Variants in ANKRD66 observed in about 807,000 individuals in gnomAD.
ANKRD66 encodes the protein ankyrin repeat domain-containing protein 66.
In ANKRD66, 10 loss-of-function variants were observed where a neutral mutation model predicts 10.9. That is an observed-to-expected ratio of 0.91 (90% confidence interval 0.56 to 1.55). The LOEUF (loss-of-function observed/expected upper bound fraction) is 1.55. Among genes scored for constraint, ANKRD66 ranks in the 40% most tolerant of loss-of-function variants. The pLI is 0.00. For synonymous variants in ANKRD66, 85 were observed against 88.4 expected (o/e 0.96, Z 0.22); for missense variants, 252 against 242.9 (o/e 1.04, Z -0.25).
intron 2 of ANKRD66, 53 bp from the exon 3 acceptor site, chr6:46,751,884 G>T (rs373755359): frequency 1.3e-4 from 182 of 1,369,978 alleles, no homozygotes; most frequent in Non-Finnish European, 1.7e-4. Context: ...GGGATTACTC[G>T]CTAGGAATAA....
chr6:46,749,301 C>T (rs1392411881), intron 1 of ANKRD66, among the ~76,000 whole-genome samples: 1 of 152,198 alleles, frequency 6.6e-6, no homozygotes, highest in African/African-American at 2.4e-5. Context: ...GAGATGACCC[C>T]TCTAGGAGGA....
rs908029575 is a variant in ANKRD66 at position 46,748,531 on chromosome 6, A to T, written c.-96-1365A>T. 3.9e-5 allele frequency among the ~76,000 whole-genome samples: 6 copies of T among 152,342 alleles called. No homozygotes were observed. The South Asian group carries it at 6.2e-4, about 16-fold the overall frequency. On this transcript the variant is annotated intron_variant, in intron 1 of 4. Transcript: ENST00000565422. ...ATTTTTGTTTACTATTCTATCATTG[A>T]TCAAACACTCCAGTGTAAGGGATTT...
chr6:46,752,187 G>A (rs1029872784), intron 3 of ANKRD66, 76 bp downstream of exon 3: 2 of 1,319,200 alleles, frequency 1.5e-6, no homozygotes, highest in Non-Finnish European at 2.0e-6. Context: ...TAGGCTATGT[G>A]GGGGAGTGGA....
chr6:46,746,968 C>A lies in ANKRD66; in HGVS notation c.-119C>A. 1 of 1,535,564 alleles carries A rather than the reference C, an allele frequency of 6.5e-7. No individual in the cohort carries two copies. The highest frequency in any genetic ancestry group is 1.2e-5 in the South Asian group (1 of 84,058). ...GTTAGGACTGCCTGTCAGCACAGAG[C>A]TCCTCAAATTTCACACAAGACAGTA... On this transcript the variant is annotated 5_prime_UTR_variant, in exon 1 of 5. Transcript: ENST00000565422.
intron 3 of ANKRD66, among the ~76,000 whole-genome samples, chr6:46,752,771 AAAG>A (rs1766297571): frequency 6.6e-6 from 1 of 152,172 alleles, no homozygotes; most frequent in South Asian, 2.1e-4. Context: ...AGAGCATCAC[AAAG>A]AAGGATAGGG....
intron 3 of ANKRD66, among the ~76,000 whole-genome samples, chr6:46,752,726 A>G (rs1188964817): frequency 6.6e-6 from 1 of 152,166 alleles, no homozygotes; most frequent in Non-Finnish European, 1.5e-5. Context: ...CTCAGTTAAT[A>G]TTAGTCCTTT....
chr6:46,750,002 T>C (rs1766233482), intron 2 of ANKRD66, 23 bp downstream of exon 2: 4 of 1,285,088 alleles, frequency 3.1e-6, no homozygotes, highest in Non-Finnish European at 3.3e-6. Flanking sequence ...CTGAGCACAA[T>C]AATTTGCATT....
rs1216901370 is a variant in ANKRD66, at chr6:46,753,721, G to C, written c.164-1G>C. 1 of 1,545,226 alleles carries C rather than the reference G, an allele frequency of 6.5e-7. No individual in the cohort carries two copies. Among genetic ancestry groups the C allele is most frequent in the African/African-American group, 1.4e-5 (1 of 72,762 alleles). On this transcript the variant is annotated splice_acceptor_variant, in intron 3 of 4. Transcript: ENST00000565422. LOFTEE classifies it high-confidence loss of function. ...TCCTGTTTCTTTTTGGTACATCTAAGGGCAAATGGAGGTGATACGGCTCCT... is the reference window on the plus strand; with the variant it reads ...TCCTGTTTCTTTTTGGTACATCTAACGGCAAATGGAGGTGATACGGCTCCT...
chr6:46,749,206 G>C (rs1766209937), intron 1 of ANKRD66, among the ~76,000 whole-genome samples: 1 of 152,186 alleles, frequency 6.6e-6, no homozygotes, highest in Admixed American at 6.5e-5. Context: ...GACTCTGCTG[G>C]TGGCAACTGC....
chr6:46,758,942 T>A lies in ANKRD66; in HGVS notation c.*21T>A, dbSNP rs1209698384. On this transcript the variant is annotated 3_prime_UTR_variant, in exon 5 of 5. Coordinates refer to ENST00000565422, the MANE Select transcript of ANKRD66 (RefSeq NM_001162435.3). ...TATGAGAACTCAACCTTATGTTTTC[T>A]GGCAAGGAACTTTCCCTGGTGCCAG... 2.0e-6 allele frequency: 3 copies of A among 1,524,380 alleles called. No homozygotes were observed. The allele number at this position is 1,524,380 out of a possible 1,614,324, so 94.4% of individuals were successfully genotyped here. A position where few individuals can be genotyped will look rare whatever the true frequency, so the allele number is the denominator to read the frequency against.
chr6:46,747,278 AAT>A (rs1766163949), intron 1 of ANKRD66, among the ~76,000 whole-genome samples: 1 of 152,192 alleles, frequency 6.6e-6, no homozygotes, highest in South Asian at 2.1e-4. Context: ...GCTTCTAATT[AAT>A]AGTTTTTTGT....
rs770514947 is a variant in ANKRD66 at position 46,753,854 on chromosome 6, T to C, written c.296T>C (p.Leu99Ser). The C allele has an allele frequency of 3.0e-5, 47 of 1,551,590 alleles. No individual in the cohort carries two copies. The highest frequency in any genetic ancestry group is 3.9e-5 in the Non-Finnish European group (45 of 1,146,996). The change falls in exon 4 of 5, where the codon TTG becomes TCG. Residue 99 changes from leucine to serine, a missense_variant. Leu to Ser is a moderately radical substitution (Grantham distance 145). Transcript: ENST00000565422. ...HLNILKTLHA[L>S]HAAIDAPDFF... The stretch of plus-strand genomic sequence containing the variant: ...AATATACTCAAAACTCTCCATGCAT[T>C]GCACGCTGCCATCGACGCCCCTGAC...
chr6:46,751,923 T>G lies in ANKRD66; in HGVS notation c.-12-14T>G. The G allele has an allele frequency of 7.0e-7, 1 of 1,422,132 alleles. No homozygotes were observed. The highest frequency in any genetic ancestry group is 9.2e-7 in the Non-Finnish European group (1 of 1,087,132). 88.1% of individuals were successfully genotyped at this position (1,422,132 alleles called of 1,614,324 possible). ...GTTACATAGAATTTCCTAAGTGGCATGTCTCTCCCACAGTTGTTTTCTGCC... is the reference window on the plus strand; with the variant it reads ...GTTACATAGAATTTCCTAAGTGGCAGGTCTCTCCCACAGTTGTTTTCTGCC... On this transcript the variant is annotated splice_polypyrimidine_tract_variant and intron_variant, in intron 2 of 4. Transcript: ENST00000565422.
At position 46,753,719 on chromosome 6, in the gene ANKRD66, A is replaced by G. The variant is rs1316738071; in HGVS notation, c.164-3A>G. 3.2e-6 allele frequency: 5 copies of G among 1,544,170 alleles called. No homozygotes were observed. The highest frequency in any genetic ancestry group is 4.4e-6 in the Non-Finnish European group (5 of 1,143,402). On this transcript the variant is annotated splice_region_variant and splice_polypyrimidine_tract_variant and intron_variant, in intron 3 of 4. Transcript: ENST00000565422. The stretch of plus-strand genomic sequence containing the variant: ...CATCCTGTTTCTTTTTGGTACATCT[A>G]AGGGCAAATGGAGGTGATACGGCTC...
rs374435958 is a variant in ANKRD66 at position 46,753,431 on chromosome 6, T to A, written c.164-291T>A. 1.3e-4 allele frequency among the ~76,000 whole-genome samples: 20 copies of A among 152,266 alleles called. No individual in the cohort carries two copies. The East Asian group carries it at 1.7e-3, about 13-fold the overall frequency. On this transcript the variant is annotated intron_variant, in intron 3 of 4. Transcript: ENST00000565422. ...TGTGGCTTGGGAGAGAAAGCAAGATTCCTGGGCAGGGCCTGTGGCAATGCA... is the reference window on the plus strand; with the variant it reads ...TGTGGCTTGGGAGAGAAAGCAAGATACCTGGGCAGGGCCTGTGGCAATGCA...
intron 1 of ANKRD66, among the ~76,000 whole-genome samples, chr6:46,749,130 C>T (rs1171484094): frequency 1.3e-5 from 2 of 152,176 alleles, no homozygotes; most frequent in Non-Finnish European, 2.9e-5. Flanking sequence ...CCTGCTGGCC[C>T]CTCAGCAGCC....
intron 2 of ANKRD66, among the ~76,000 whole-genome samples, chr6:46,751,603 A>AACTAGCTC (rs1562090441): frequency 9.3e-4 from 142 of 152,280 alleles, no homozygotes; most frequent in African/African-American, 3.2e-3. Flanking sequence ...CTTACTTACT[A>AACTAGCTC]ACTTACTTAC....
At chr6:46,758,536 T>C (rs1194788417) in intron 4 of ANKRD66, 187 bp from the exon 5 acceptor site, 1 of 461,666 alleles carries the variant, frequency 2.2e-6, no homozygotes, top group East Asian at 3.2e-5. Context: ...CCACAATTTT[T>C]CTCCACCTCC....
intron 1 of ANKRD66, among the ~76,000 whole-genome samples, chr6:46,749,404 C>A (rs577432769): frequency 5.3e-5 from 8 of 152,260 alleles, no homozygotes; most frequent in African/African-American, 1.9e-4. Context: ...TGTCCTCGTT[C>A]GCCTAAGAAT....
Sources: allele counts gnomAD v4.1 joint callset (sites outside exome capture counted in the v4.1 genomes callset), GRCh38; gene constraint gnomAD v4.1.1; transcripts MANE v1.5; gene names NCBI Gene and HGNC (gene_info 2026-07-23, HGNC 2026-07-21).